Variants in MEAF6 observed in about 807,000 individuals in gnomAD.
MEAF6 encodes the protein MYST/Esa1 associated factor 6.
A neutral mutation model predicts 28.9 loss-of-function variants in MEAF6; 15 were observed. The ratio of observed to expected loss-of-function variants is 0.52; its 90% CI spans 0.35 to 0.80. The LOEUF is 0.80. MEAF6 is among the 30% of genes least tolerant of loss of function. The pLI is 0.01. For synonymous variants in MEAF6, 97 were observed against 88.7 expected, an observed-to-expected ratio of 1.09 and a Z score of -0.53; for missense variants, 178 against 237.5, an observed-to-expected ratio of 0.75 and a Z score of 1.65.
Position 37,491,385 on chromosome 1 carries a change from G to C in MEAF6, c.*2714C>G. Among the ~76,000 whole-genome samples the C allele has an allele frequency of 6.6e-6, 1 of 152,038 alleles. No individual in the cohort carries two copies. Among genetic ancestry groups the C allele is most frequent in the East Asian group, 1.9e-4 (1 of 5,180 alleles). On this transcript the variant is annotated 3_prime_UTR_variant, in exon 7 of 7. Coordinates refer to ENST00000296214, the MANE Select transcript of MEAF6 (RefSeq NM_001270875.3). The stretch of plus-strand genomic sequence containing the variant: ...ATGGGCATGGTGGTGCATGCCTGTA[G>C]TCCCAGCTACTGGGGAGGCTGAGGC...
At chr1:37,495,979 C>G (rs1164155305) in intron 5 of MEAF6, 61 bp from the exon 6 acceptor site, 1 of 1,364,852 alleles carries the variant, frequency 7.3e-7, no homozygotes, top group Non-Finnish European at 1.0e-6. Context: ...GTCCCACAAT[C>G]AGCTACTGCA....
Position 37,514,692 on chromosome 1 carries a change from G to A in MEAF6, c.55C>T (p.Leu19=), listed in dbSNP as rs1642782661. 2.6e-6 allele frequency: 4 copies of A among 1,544,330 alleles called. No homozygotes were observed. Among genetic ancestry groups the A allele is most frequent in the Non-Finnish European group, 2.6e-6 (3 of 1,149,950 alleles). ...TGCTTCCGCTTCACGAGCTCCGCCA[G>A]CTCCCGCCGGGTGTCCGGGATCTGC... ...PPQIPDTRRE[L]AELVKRKQEL... is the part of the protein sequence containing the mutation. Residue 19 remains leucine (L), a synonymous_variant, in exon 1 of 7, where the codon CTG becomes TTG. Transcript: ENST00000296214.
At position 37,509,435 on chromosome 1, in the gene MEAF6, C is replaced by A. The variant is rs1557612104; in HGVS notation, c.294+20G>T. Reference sequence around the variant, plus strand: ...CCCAACAACAGGCCAAAGAAAGATTCCCCCACCACCACTACTTACAGCTGC... The same window carrying A: ...CCCAACAACAGGCCAAAGAAAGATTACCCCACCACCACTACTTACAGCTGC... On this transcript the variant is annotated intron_variant, in intron 3 of 6. Transcript: ENST00000296214. The A allele has an allele frequency of 6.2e-7, 1 of 1,611,998 alleles. No individual in the cohort carries two copies. Among genetic ancestry groups the A allele is most frequent in the Non-Finnish European group, 8.5e-7 (1 of 1,178,686 alleles).
At chr1:37,510,155 C>A (rs1418598302) in intron 2 of MEAF6, among the ~76,000 whole-genome samples, 3 of 151,212 alleles carry the variant, frequency 2.0e-5, no homozygotes, top group Non-Finnish European at 4.4e-5. Flanking sequence ...CAGCTCGCTG[C>A]AACCTCTACC....
At chr1:37,507,756 C>T (rs913103063) in intron 4 of MEAF6, among the ~76,000 whole-genome samples, 9 of 150,870 alleles carry the variant, frequency 6.0e-5, no homozygotes, top group African/African-American at 2.0e-4. Flanking sequence ...CCCTAGAAAG[C>T]GGAGGTTGCA....
intron 6 of MEAF6, among the ~76,000 whole-genome samples, 178 bp downstream of exon 6, chr1:37,495,707 A>AAAAAAAAAAAAAAAAAAAAAAC (rs1642107037): frequency 1.0e-5 from 1 of 98,508 alleles, no homozygotes; most frequent in Non-Finnish European, 2.3e-5. Context: ...CAAAAAACAA[A>AAAAAAAAAAAAAAAAAAAAAAC]AAAAAAAAAA....
In MEAF6 at chr1:37,494,024, G is replaced by C; in HGVS notation, c.*75C>G. 1 of 1,595,906 alleles carries C rather than the reference G, an allele frequency of 6.3e-7. No individual in the cohort carries two copies. The highest frequency in any genetic ancestry group is 8.5e-7 in the Non-Finnish European group (1 of 1,174,884). On this transcript the variant is annotated 3_prime_UTR_variant, in exon 7 of 7. Coordinates refer to ENST00000296214, the MANE Select transcript of MEAF6 (RefSeq NM_001270875.3). ...GTGGATGGCCACGAACTCAGGTGAA[G>C]GATGTTTATCTTTGTGAGGTCAGAG...
intron 4 of MEAF6, among the ~76,000 whole-genome samples, chr1:37,507,471 A>C (rs1221268520): frequency 4.0e-5 from 6 of 150,548 alleles, no homozygotes; most frequent in Non-Finnish European, 7.4e-5. Context: ...AAAAAAAAAG[A>C]TTTAGTGGAG....
Position 37,492,366 on chromosome 1 carries a change from C to A in MEAF6, c.*1733G>T, listed in dbSNP as rs1403937764. Among the ~76,000 whole-genome samples the A allele has an allele frequency of 2.6e-5, 4 of 151,800 alleles. No individual in the cohort carries two copies. Among genetic ancestry groups the A allele is most frequent in the Non-Finnish European group, 5.9e-5 (4 of 67,948 alleles). On this transcript the variant is annotated 3_prime_UTR_variant, in exon 7 of 7. Transcript: ENST00000296214. ...TATTTTAAGGTCTGCTGTGTGCTTT[C>A]CCCAAAAGGAAGGAAACTGTAGGCA...
At chr1:37,496,912 C>T (rs922406176) in intron 5 of MEAF6, among the ~76,000 whole-genome samples, 2 of 152,154 alleles carry the variant, frequency 1.3e-5, no homozygotes, top group Non-Finnish European at 2.9e-5. Flanking sequence ...AGATTCCCTT[C>T]CTTCAATGGA....
intron 2 of MEAF6, among the ~76,000 whole-genome samples, chr1:37,511,839 A>G (rs1321228126): frequency 6.6e-6 from 1 of 152,216 alleles, no homozygotes; most frequent in Non-Finnish European, 1.5e-5. Context: ...TAATAGCCAA[A>G]TGCATGCATG....
chr1:37,494,673 A>G (rs1642055818), intron 6 of MEAF6, among the ~76,000 whole-genome samples: 1 of 151,428 alleles, frequency 6.6e-6, no homozygotes, highest in African/African-American at 2.4e-5. Context: ...TCTACAAAAA[A>G]CACAAAAATT....
intron 1 of MEAF6, 77 bp from the exon 2 acceptor site, chr1:37,513,615 A>G (rs560000254): frequency 6.0e-6 from 7 of 1,166,372 alleles, no homozygotes; most frequent in East Asian, 2.3e-5. Context: ...TGAAATCCTG[A>G]TATTAGACTC....
intron 2 of MEAF6, among the ~76,000 whole-genome samples, chr1:37,510,532 C>G (rs1642635152): frequency 1.3e-5 from 2 of 151,142 alleles, no homozygotes; most frequent in South Asian, 2.1e-4. Context: ...CAGGCGCACC[C>G]CACCATGCCC....
At chr1:37,512,843 G>A (rs149719804) in intron 2 of MEAF6, among the ~76,000 whole-genome samples, 1,907 of 152,244 alleles carry the variant, frequency 0.013, 50 homozygotes, top group African/African-American at 0.044. Flanking sequence ...AGTGAGCTAA[G>A]TTCGTGCTAC....
At chr1:37,502,077 G>C (rs1049064162) in intron 4 of MEAF6, 81 bp from the exon 5 acceptor site, 3 of 1,227,300 alleles carry the variant, frequency 2.4e-6, no homozygotes, top group African/African-American at 3.0e-5. Context: ...AACACTAATA[G>C]GTAGAAAAAA....
intron 6 of MEAF6, among the ~76,000 whole-genome samples, chr1:37,495,684 C>CAAAAAAAAAAAAAAAAAAAAAAAAAA (rs376230589): frequency 3.5e-4 from 25 of 70,514 alleles, no homozygotes; most frequent in East Asian, 8.7e-4. Context: ...AACTGTCTCT[C>CAAAAAAAAAAAAAAAAAAAAAAAAAA]AAAAAAAAAA....
rs774859297 is a variant in MEAF6 at position 37,514,704 on chromosome 1, T to C, written c.43A>G (p.Thr15Ala). 16 of 1,536,800 alleles carry C rather than the reference T, an allele frequency of 1.0e-5. No individual in the cohort carries two copies. The highest frequency in any genetic ancestry group is 1.9e-5 in the Admixed American group (1 of 53,574). The change falls in exon 1 of 7, where the codon ACC becomes GCC. Residue 15 changes from threonine (T) to alanine (A), a missense_variant. Transcript: ENST00000296214. ...NKAAPPQIPD[T>A]RRELAELVKR... Reference sequence around the variant, plus strand: ...ACGAGCTCCGCCAGCTCCCGCCGGGTGTCCGGGATCTGCGGCGGCGCCGCC... The same window carrying C: ...ACGAGCTCCGCCAGCTCCCGCCGGGCGTCCGGGATCTGCGGCGGCGCCGCC...
At chr1:37,500,141 C>T (rs1056525358) in intron 5 of MEAF6, among the ~76,000 whole-genome samples, 1 of 152,010 alleles carries the variant, frequency 6.6e-6, no homozygotes, top group Non-Finnish European at 1.5e-5. Context: ...ACTAAAAATA[C>T]AAAAATTAGC....
Sources: allele counts gnomAD v4.1 joint callset (sites outside exome capture counted in the v4.1 genomes callset), GRCh38; gene constraint gnomAD v4.1.1; transcripts MANE v1.5; gene names NCBI Gene and HGNC (gene_info 2026-07-23, HGNC 2026-07-21).